The following CALN1 variants were observed in gnomAD, a reference collection of about 807,000 sequenced individuals.
CALN1 encodes the protein calcium-binding protein 8.
A neutral mutation model predicts 30.6 loss-of-function variants in CALN1; 17 were observed. The observed-to-expected ratio is 0.56, with a 90% CI of 0.38 to 0.83. CALN1 has a LOEUF of 0.83. Ranked by LOEUF, CALN1 falls within the 40% of genes least tolerant of loss-of-function variation. The pLI is 0.00. For missense variants in CALN1, 291 were observed against 354.9 expected, an observed-to-expected ratio of 0.82 and a Z score of 1.45; for synonymous variants, 156 against 131.4, an observed-to-expected ratio of 1.19 and a Z score of -1.28.
At chr7:71,969,638 A>T (rs1338169952) in intron 5 of CALN1, among the ~76,000 whole-genome samples, 1 of 152,210 alleles carries the variant, frequency 6.6e-6, no homozygotes. Flanking sequence ...GCATTATCAG[A>T]AAAAGGTAAA....
At chr7:72,173,143 T>C (rs1010036839) in intron 3 of CALN1, among the ~76,000 whole-genome samples, 1 of 152,040 alleles carries the variant, frequency 6.6e-6, no homozygotes, top group African/African-American at 2.4e-5. Flanking sequence ...ATGAAAACAA[T>C]TGCTGTACTT....
chr7:72,065,234 A>G (rs898465496), intron 4 of CALN1, among the ~76,000 whole-genome samples: 10 of 151,902 alleles, frequency 6.6e-5, no homozygotes, highest in African/African-American at 2.4e-4. Flanking sequence ...TTAAATCAAC[A>G]ATGCATCATG....
chr7:72,154,531 A>G (rs1787510294), intron 3 of CALN1, among the ~76,000 whole-genome samples: 1 of 151,958 alleles, frequency 6.6e-6, no homozygotes, highest in South Asian at 2.1e-4. Context: ...TCTACACAAC[A>G]CTCTTATTTG....
At chr7:72,342,950 A>T (rs2129558870) in intron 2 of CALN1, among the ~76,000 whole-genome samples, 1 of 152,312 alleles carries the variant, frequency 6.6e-6, no homozygotes, top group South Asian at 2.1e-4. Context: ...AATTCTTTAC[A>T]ACACACATTC....
chr7:72,373,350 G>C (rs779098249), intron 2 of CALN1, among the ~76,000 whole-genome samples: 3 of 152,134 alleles, frequency 2.0e-5, no homozygotes, highest in Non-Finnish European at 4.4e-5. Context: ...AGACATAATG[G>C]CTGAAAACTT....
intron 3 of CALN1, among the ~76,000 whole-genome samples, chr7:72,145,543 CAAG>C (rs1185667790): frequency 1.3e-5 from 2 of 151,768 alleles, no homozygotes; most frequent in Non-Finnish European, 2.9e-5. Context: ...ACCAGAGGTA[CAAG>C]GAGGAGCTGG....
intron 3 of CALN1, among the ~76,000 whole-genome samples, chr7:72,262,975 G>T (rs745350209): frequency 4.6e-5 from 7 of 152,144 alleles, no homozygotes; most frequent in Non-Finnish European, 7.3e-5. Flanking sequence ...TTACTGACAG[G>T]CCTCTCCAGT....
intron 4 of CALN1, among the ~76,000 whole-genome samples, chr7:72,079,149 G>A (rs1163001398): frequency 5.3e-5 from 8 of 152,118 alleles, no homozygotes; most frequent in Admixed American, 5.2e-4. Flanking sequence ...AGCTCACAAT[G>A]GCTGAGGACC....
At chr7:72,339,127 C>T (rs1802267746) in intron 2 of CALN1, among the ~76,000 whole-genome samples, 1 of 152,116 alleles carries the variant, frequency 6.6e-6, no homozygotes, top group African/African-American at 2.4e-5. Flanking sequence ...CACTTCCATC[C>T]ATGTAGTTAC....
At chr7:72,177,562 C>G (rs745983702) in intron 3 of CALN1, among the ~76,000 whole-genome samples, 3 of 151,894 alleles carry the variant, frequency 2.0e-5, no homozygotes, top group Admixed American at 6.6e-5. Context: ...GTCAGGAGTT[C>G]GAGACCAGCC....
At chr7:71,937,680 G>A (rs1384818362) in intron 5 of CALN1, among the ~76,000 whole-genome samples, 8 of 151,926 alleles carry the variant, frequency 5.3e-5, no homozygotes, top group Admixed American at 1.3e-4. Context: ...GGGTCTCGCT[G>A]TGTTGCCAGG....
the CALN1 span, among the ~76,000 whole-genome samples, chr7:72,501,946 TATACACAC>T: frequency 1.9e-5 from 1 of 52,460 alleles, no homozygotes; most frequent in Non-Finnish European, 3.5e-5. Flanking sequence ...TATATATATA[TATACACAC>T]ATATATATAT....
intron 3 of CALN1, among the ~76,000 whole-genome samples, chr7:72,135,972 A>C (rs1173391367): frequency 2.0e-5 from 3 of 151,978 alleles, no homozygotes. Flanking sequence ...ATCTCTACTA[A>C]AACTACAAAA....
intron 4 of CALN1, among the ~76,000 whole-genome samples, chr7:72,075,382 C>A (rs566198084): frequency 6.6e-6 from 1 of 152,330 alleles, no homozygotes; most frequent in Admixed American, 6.5e-5. Flanking sequence ...GGAATAAAGA[C>A]AATCAGGCTG....
chr7:72,381,781 T>C (rs866772831), intron 2 of CALN1, among the ~76,000 whole-genome samples: 54 of 152,272 alleles, frequency 3.5e-4, no homozygotes, highest in African/African-American at 1.2e-3. Flanking sequence ...GACGGGTTGA[T>C]AGGTGCAGCA....
intron 4 of CALN1, among the ~76,000 whole-genome samples, chr7:72,062,395 C>T: frequency 6.6e-6 from 1 of 151,214 alleles, no homozygotes; most frequent in Non-Finnish European, 1.5e-5. Context: ...GCCTGTAGTC[C>T]CAGCTACTTG....
intron 5 of CALN1, among the ~76,000 whole-genome samples, chr7:71,906,382 A>G (rs1205390984): frequency 1.3e-5 from 2 of 152,036 alleles, no homozygotes. Context: ...TGATCCAGAG[A>G]CTCCGAATGG....
At chr7:72,458,243 T>TA in the CALN1 span, among the ~76,000 whole-genome samples, 51 of 98,808 alleles carry the variant, frequency 5.2e-4, 9 homozygotes, top group African/African-American at 2.0e-3. Context: ...TTCTATATTA[T>TA]ATAATATATT....
At chr7:72,209,595 T>G (rs2129548127) in intron 3 of CALN1, among the ~76,000 whole-genome samples, 1 of 151,876 alleles carries the variant, frequency 6.6e-6, no homozygotes, top group African/African-American at 2.4e-5. Context: ...TCAATGGTTT[T>G]TAGTATATTC....
Sources: gnomAD v4.1 joint callset for allele counts (sites outside exome capture counted in the v4.1 genomes callset) on GRCh38, gnomAD v4.1.1 for gene constraint, MANE v1.5 for transcripts, NCBI Gene and HGNC (gene_info 2026-07-23, HGNC 2026-07-21) for gene names.